Variants in OLFM3 observed in about 807,000 individuals in gnomAD.
OLFM3 encodes the protein olfactomedin 3.
In OLFM3, 20 loss-of-function variants were observed where a neutral mutation model predicts 48.6. The ratio of observed to expected loss-of-function variants is 0.41; its 90% confidence interval spans 0.29 to 0.60. OLFM3 has a LOEUF of 0.60. Among genes scored for constraint, OLFM3 ranks in the 20% least tolerant of loss-of-function variants. OLFM3 has a pLI of 0.28. For missense variants in OLFM3, 437 were observed against 544.3 expected, an observed-to-expected ratio of 0.80 and a Z score of 1.96; for synonymous variants, 222 against 198.1, an observed-to-expected ratio of 1.12 and a Z score of -1.01.
chr1:101,970,579 A>T (rs1660754049), intron 1 of OLFM3, among the ~76,000 whole-genome samples: 1 of 152,122 alleles, frequency 6.6e-6, no homozygotes, highest in Non-Finnish European at 1.5e-5. Flanking sequence ...CCTGTCAGGC[A>T]TTCTGCCAGG....
intron 1 of OLFM3, among the ~76,000 whole-genome samples, chr1:101,991,016 A>AATATATATATATATATATATAT (rs1215588189): frequency 1.6e-4 from 5 of 32,220 alleles, no homozygotes; most frequent in Admixed American, 4.0e-4. Flanking sequence ...AAAAAAAAAA[A>AATATATATATATATATATATAT]ATATATATAT....
At chr1:101,996,518 A>G (rs1049371082) in intron 1 of OLFM3, among the ~76,000 whole-genome samples, 3 of 152,100 alleles carry the variant, frequency 2.0e-5, no homozygotes, top group African/African-American at 4.8e-5. Context: ...GCCCATGCAC[A>G]TTATATTTTC....
intron 1 of OLFM3, among the ~76,000 whole-genome samples, chr1:101,895,232 G>A (rs1363211462): frequency 2.0e-5 from 3 of 151,872 alleles, no homozygotes; most frequent in Non-Finnish European, 4.4e-5. Flanking sequence ...TCCTCTATTT[G>A]CTTATTTATT....
At chr1:101,856,085 C>G (rs17125595) in intron 1 of OLFM3, among the ~76,000 whole-genome samples, 7,479 of 152,010 alleles carry the variant, frequency 0.049, 600 homozygotes, top group African/African-American at 0.16. Context: ...AATAGGAGAT[C>G]TGCAGAGTAG....
At chr1:101,805,004 T>C (rs1015732304) in intron 5 of OLFM3, 89 bp from the exon 6 acceptor site, 10 of 1,024,864 alleles carry the variant, frequency 9.8e-6, no homozygotes, top group East Asian at 5.1e-5. Flanking sequence ...TCAACACTTA[T>C]TATAATTCTC....
At chr1:101,992,563 G>A (rs1003599849) in intron 1 of OLFM3, among the ~76,000 whole-genome samples, 4 of 151,588 alleles carry the variant, frequency 2.6e-5, no homozygotes, top group African/African-American at 9.7e-5. Flanking sequence ...GAGAGAAACA[G>A]GAAAAGACAG....
chr1:101,890,150 G>T (rs1318877400), intron 1 of OLFM3, among the ~76,000 whole-genome samples: 1 of 151,940 alleles, frequency 6.6e-6, no homozygotes, highest in African/African-American at 2.4e-5. Context: ...CTTGGAAAAT[G>T]ATATTGGAAA....
At chr1:101,904,449 C>T (rs751906879) in intron 1 of OLFM3, among the ~76,000 whole-genome samples, 2 of 152,142 alleles carry the variant, frequency 1.3e-5, no homozygotes, top group Middle Eastern at 3.4e-3. Context: ...GCTAGCCTGA[C>T]GCATGGTCCA....
intron 1 of OLFM3, among the ~76,000 whole-genome samples, chr1:101,881,470 TCA>T (rs1408894755): frequency 6.6e-6 from 1 of 151,820 alleles, no homozygotes; most frequent in Non-Finnish European, 1.5e-5. Context: ...CATTGCCAGT[TCA>T]GTCTTTTCAG....
chr1:101,993,325 C>G (rs1661467899), intron 1 of OLFM3, among the ~76,000 whole-genome samples: 1 of 152,108 alleles, frequency 6.6e-6, no homozygotes, highest in Non-Finnish European at 1.5e-5. Context: ...GAAAGAAGTC[C>G]ACTCTTCTAC....
chr1:101,956,884 G>A (rs1337209966), intron 1 of OLFM3, among the ~76,000 whole-genome samples: 1 of 151,730 alleles, frequency 6.6e-6, no homozygotes, highest in Non-Finnish European at 1.5e-5. Context: ...CATATATTAT[G>A]ACATGATATA....
intron 4 of OLFM3, among the ~76,000 whole-genome samples, chr1:101,813,707 A>G (rs933965968): frequency 1.3e-5 from 2 of 152,102 alleles, no homozygotes; most frequent in African/African-American, 4.8e-5. Context: ...TCCATTAGCT[A>G]TCTTCTCTCT....
At chr1:101,859,900 G>T (rs1261624060) in intron 1 of OLFM3, 2 of 151,742 alleles carry the variant, frequency 1.3e-5, no homozygotes, top group Non-Finnish European at 2.9e-5. Context: ...TACAGGGAAG[G>T]TTAGTGTGGC....
intron 1 of OLFM3, among the ~76,000 whole-genome samples, chr1:101,869,592 T>C (rs1207200617): frequency 2.6e-5 from 4 of 152,290 alleles, no homozygotes; most frequent in Admixed American, 1.3e-4. Flanking sequence ...GATTGTGTTA[T>C]GAAATGTGAG....
chr1:101,867,752 G>A (rs114623616), intron 1 of OLFM3, among the ~76,000 whole-genome samples: 1,526 of 152,192 alleles, frequency 0.01, 19 homozygotes, highest in Non-Finnish European at 0.014. Context: ...ACAAATAATA[G>A]TTTTTGCTTC....
At chr1:101,974,173 G>T (rs2101100127) in intron 1 of OLFM3, among the ~76,000 whole-genome samples, 1 of 149,354 alleles carries the variant, frequency 6.7e-6, no homozygotes, top group Admixed American at 6.7e-5. Context: ...AAAAAAAAAT[G>T]ACAAATTTAA....
At chr1:101,849,899 T>C (rs1279763582) in intron 1 of OLFM3, among the ~76,000 whole-genome samples, 1 of 152,174 alleles carries the variant, frequency 6.6e-6, no homozygotes, top group East Asian at 1.9e-4. Flanking sequence ...TATTGTCAGC[T>C]GATATGCATT....
In OLFM3 at chr1:101,994,393, CTAT is replaced by C. The variant is rs1183871776; in HGVS notation, c.69+2352_69+2354del. 3.3e-5 allele frequency among the ~76,000 whole-genome samples: 5 copies of C among 150,624 alleles called. 1 individual carries two copies. The East Asian group carries it at 9.7e-4, about 29-fold the overall frequency. On this transcript the variant is annotated intron_variant, in intron 1 of 5. Coordinates refer to ENST00000370103, the MANE Select transcript of OLFM3 (RefSeq NM_058170.4). ...TCCAAAAACTGTATTTTTTGTAGTA[CTAT>C]ATTATTGGATTTTTAATTTTAATTT...
At chr1:101,810,534 T>A (rs1352068418) in intron 4 of OLFM3, among the ~76,000 whole-genome samples, 1 of 151,994 alleles carries the variant, frequency 6.6e-6, no homozygotes, top group Non-Finnish European at 1.5e-5. Context: ...AAAAATTTAG[T>A]AGCCTTTAAT....
Sources: allele counts gnomAD v4.1 joint callset (sites outside exome capture counted in the v4.1 genomes callset), GRCh38; gene constraint gnomAD v4.1.1; transcripts MANE v1.5; gene names NCBI Gene and HGNC (gene_info 2026-07-23, HGNC 2026-07-21).